The following MCOLN3 variants were observed in gnomAD, a reference collection of about 807,000 sequenced individuals.
MCOLN3 encodes mucolipin-3.
Under a neutral mutation model 69.4 loss-of-function variants are expected in MCOLN3, and 62 were observed. The observed-to-expected ratio is 0.89, with a 90% CI of 0.73 to 1.10. The LOEUF is 1.10. Among genes scored for constraint, MCOLN3 ranks in the 50% least tolerant of loss-of-function variants. The pLI, the probability that MCOLN3 is intolerant of heterozygous loss-of-function variation, is 0.00. For synonymous variants in MCOLN3, 183 were observed against 217.0 expected, an observed-to-expected ratio of 0.84 and a Z score of 1.38; for missense variants, 564 against 656.4, an observed-to-expected ratio of 0.86 and a Z score of 1.54.
intron 4 of MCOLN3, 82 bp from the exon 5 acceptor site, chr1:85,033,038 A>ATTCAGATTCTATTATTT: frequency 8.9e-7 from 1 of 1,123,730 alleles, no homozygotes; most frequent in Non-Finnish European, 1.3e-6. Flanking sequence ...AAGACCAGTT[A>ATTCAGATTCTATTATTT]TTCAGATTCT....
chr1:85,040,491 G>C (rs1178247325), intron 3 of MCOLN3, among the ~76,000 whole-genome samples: 3 of 152,040 alleles, frequency 2.0e-5, no homozygotes, highest in Non-Finnish European at 4.4e-5. Context: ...ATAAAATACA[G>C]CATTCATCTA....
At chr1:85,032,597 A>AT (rs1652592672) in intron 6 of MCOLN3, 99 bp downstream of exon 6, 1 of 885,564 alleles carries the variant, frequency 1.1e-6, no homozygotes, top group African/African-American at 1.7e-5. Flanking sequence ...AAAACATCCT[A>AT]TATTTTTTTA....
intron 2 of MCOLN3, 41 bp from the exon 3 acceptor site, chr1:85,041,218 T>C (rs757872240): frequency 1.5e-5 from 23 of 1,566,394 alleles, no homozygotes; most frequent in Admixed American, 9.4e-5. Context: ...GTGGAAAATG[T>C]GGGCAGAAAA....
chr1:85,045,543 C>G (rs1325206310), intron 1 of MCOLN3, among the ~76,000 whole-genome samples, 181 bp from the exon 2 acceptor site: 1 of 152,196 alleles, frequency 6.6e-6, no homozygotes, highest in African/African-American at 2.4e-5. Flanking sequence ...TAGGACGTCA[C>G]TTTTTTATTT....
At chr1:85,034,773 C>T (rs754188871) in intron 3 of MCOLN3, among the ~76,000 whole-genome samples, 3 of 152,066 alleles carry the variant, frequency 2.0e-5, no homozygotes, top group Non-Finnish European at 2.9e-5. Flanking sequence ...CTAGTGGGTC[C>T]TCTACATTTA....
chr1:85,035,098 T>C (rs187498381), intron 3 of MCOLN3, among the ~76,000 whole-genome samples: 165 of 152,348 alleles, frequency 1.1e-3, no homozygotes, highest in Non-Finnish European at 1.4e-3. Context: ...TGATGCCTAG[T>C]TCTCAGTCCT....
At chr1:85,040,210 A>C (rs978217362) in intron 3 of MCOLN3, among the ~76,000 whole-genome samples, 20 of 152,180 alleles carry the variant, frequency 1.3e-4, no homozygotes, top group African/African-American at 4.8e-4. Flanking sequence ...CCCAGTGCTA[A>C]CAGAAAGACT....
chr1:85,038,012 G>A (rs908218070), intron 3 of MCOLN3, among the ~76,000 whole-genome samples: 3 of 152,174 alleles, frequency 2.0e-5, no homozygotes, highest in Non-Finnish European at 4.4e-5. Context: ...GGTAGGGCAG[G>A]GTGGGTAGGA....
Position 85,029,166 on chromosome 1 carries a change from T to C in MCOLN3, c.772A>G (p.Ile258Val), listed in dbSNP as rs890958181. 1.2e-6 allele frequency: 2 copies of C among 1,606,892 alleles called. No homozygotes were observed. The highest frequency in any genetic ancestry group is 1.7e-6 in the Non-Finnish European group (2 of 1,173,546). ...ATGGAAATGTCATTATCTAAACTTA[T>C]TTTAATTCTTCCACTATGGGCCTTG... ...DNKAHSGRIK[I>V]SLDNDISIRE... Residue 258 changes from isoleucine to valine, a missense_variant, in exon 7 of 13, where the codon ATA (isoleucine) becomes GTA (valine). Physicochemically the swap from Ile to Val is conservative, Grantham distance 29 (BLOSUM62 3). Coordinates refer to ENST00000370589, the MANE Select transcript of MCOLN3 (RefSeq NM_018298.11).
chr1:85,018,491 A>G lies in MCOLN3; in HGVS notation c.*632T>C, dbSNP rs1651768613. 6.6e-6 allele frequency: 1 copy of G among 152,428 alleles called. No individual in the cohort carries two copies. The highest frequency in any genetic ancestry group is 2.4e-5 in the African/African-American group (1 of 41,462). The allele number at this position is 152,428 out of a possible 1,614,324, so 9.4% of individuals were successfully genotyped here. On this transcript the variant is annotated 3_prime_UTR_variant, in exon 13 of 13. Coordinates refer to ENST00000370589, the MANE Select transcript of MCOLN3 (RefSeq NM_018298.11). ...CTATACCATCTAGGTTTGTGGAAGT[A>G]CATGCTATGATGTTTAATGACAAAA... is the stretch of plus-strand genomic sequence containing the variant.
chr1:85,034,329 C>T lies in MCOLN3; in HGVS notation c.397-78G>A, dbSNP rs116122822. 8.4e-4 allele frequency: 1,222 copies of T among 1,461,648 alleles called. 8 individuals are homozygous for T. The African/African-American group carries it at 0.015, about 18-fold the overall frequency. 90.5% of individuals were successfully genotyped at this position (1,461,648 alleles called of 1,614,324 possible). On this transcript the variant is annotated intron_variant, in intron 3 of 12. Coordinates refer to ENST00000370589, the MANE Select transcript of MCOLN3 (RefSeq NM_018298.11). Reference sequence around the variant, plus strand: ...AAGCCATAACTCCCCTCCCTCCCCACCTCTGATCCTGGCAGGTTCCCTTGG... The same window carrying T: ...AAGCCATAACTCCCCTCCCTCCCCATCTCTGATCCTGGCAGGTTCCCTTGG...
intron 6 of MCOLN3, among the ~76,000 whole-genome samples, chr1:85,031,585 A>T (rs1471864646): frequency 6.6e-6 from 1 of 152,188 alleles, no homozygotes; most frequent in Non-Finnish European, 1.5e-5. Flanking sequence ...TTTTTTAAAC[A>T]TACAAAAGCT....
rs752440559 is a variant in MCOLN3, at chr1:85,019,254, A to G, written c.1531T>C (p.Tyr511His). ...ITDTYETIKQ[Y>H]QQDGFPETEL... is the part of the protein sequence containing the mutation. ...GTCTCTGGGAAGCCATCTTGTTGGT[A>G]TTGCTAAACAGAAGAATGTTAAAAA... Residue 511 changes from tyrosine (Y) to histidine (H), a missense_variant, in exon 13 of 13, where the codon TAC becomes CAC. Transcript: ENST00000370589. 1.2e-6 allele frequency: 2 copies of G among 1,610,816 alleles called. No individual in the cohort carries two copies. The highest frequency in any genetic ancestry group is 1.7e-6 in the Non-Finnish European group (2 of 1,179,066).
chr1:85,047,618 A>T (rs1653431086), intron 1 of MCOLN3: 1 of 152,258 alleles, frequency 6.6e-6, no homozygotes, highest in Non-Finnish European at 1.5e-5. Flanking sequence ...AGCTGTAGAA[A>T]ATTGGAGAAA....
intron 2 of MCOLN3, among the ~76,000 whole-genome samples, chr1:85,041,426 G>A (rs1444882714): frequency 6.6e-6 from 1 of 152,168 alleles, no homozygotes; most frequent in African/African-American, 2.4e-5. Context: ...TTCAACTCAT[G>A]TTTAAATTAA....
chr1:85,037,060 C>G (rs1422389939), intron 3 of MCOLN3, among the ~76,000 whole-genome samples: 1 of 152,100 alleles, frequency 6.6e-6, no homozygotes, highest in East Asian at 1.9e-4. Flanking sequence ...CTCTTCATTA[C>G]TAGAGCTAAT....
chr1:85,041,795 G>C (rs1323964898), intron 2 of MCOLN3, among the ~76,000 whole-genome samples: 4 of 151,084 alleles, frequency 2.6e-5, no homozygotes, highest in African/African-American at 9.8e-5. Flanking sequence ...GCTTGAACCC[G>C]GGAGGCAGAG....
chr1:85,044,671 C>G (rs561424227), intron 2 of MCOLN3, among the ~76,000 whole-genome samples: 2 of 152,344 alleles, frequency 1.3e-5, no homozygotes, highest in African/African-American at 4.8e-5. Context: ...ACTTCACATT[C>G]TTCCATTGCA....
chr1:85,029,338 C>T lies in MCOLN3; in HGVS notation c.733-133G>A, dbSNP rs1258146916. ...TCTCAACTCTGATCTGTTGCTAATT[C>T]TGTTCAACCATGGGAAGTTCTCTTC... On this transcript the variant is annotated intron_variant, in intron 6 of 12. Transcript: ENST00000370589. The T allele has an allele frequency of 4.9e-6, 3 of 612,172 alleles. No homozygotes were observed. The Admixed American group carries it at 8.7e-5, about 18-fold the overall frequency. The allele number at this position is 612,172 out of a possible 1,614,324, so 37.9% of individuals were successfully genotyped here.
Sources: allele counts gnomAD v4.1 joint callset (sites outside exome capture counted in the v4.1 genomes callset), GRCh38; gene constraint gnomAD v4.1.1; transcripts MANE v1.5; gene names NCBI Gene and HGNC (gene_info 2026-07-23, HGNC 2026-07-21).